The following PTPRD variants were observed in gnomAD, a reference collection of about 807,000 sequenced individuals.
PTPRD encodes the protein receptor-type tyrosine-protein phosphatase delta.
PTPRD carries 34 observed loss-of-function variants against 214.5 expected under a neutral mutation model. That is an observed-to-expected ratio of 0.16 (90% CI 0.12 to 0.21). The LOEUF is 0.21. Ranked by LOEUF, PTPRD falls within the 10% of genes least tolerant of loss-of-function variation. PTPRD has a pLI of 1.00. For synonymous variants in PTPRD, 1,128 were observed against 845.7 expected, an observed-to-expected ratio of 1.33 and a Z score of -5.79; for missense variants, 2,545 against 2,398.7, an observed-to-expected ratio of 1.06 and a Z score of -1.27.
Position 9,932,040 on chromosome 9 carries a change from C to G in PTPRD, c.-368+6467G>C, listed in dbSNP as rs2086856737. On this transcript the variant is annotated intron_variant, in intron 5 of 45. Coordinates refer to ENST00000381196, the MANE Select transcript of PTPRD (RefSeq NM_002839.4). ...TCCTGTCTGTTAGAAGGAAAACTAA[C>G]AAACAGAAAGGACATCCACACCAAA... is the stretch of plus-strand genomic sequence containing the variant. Among the ~76,000 whole-genome samples the G allele has an allele frequency of 2.6e-5, 4 of 151,784 alleles. No individual in the cohort carries two copies. In the South Asian group the frequency reaches 8.3e-4, roughly 32 times the overall value.
intron 9 of PTPRD, among the ~76,000 whole-genome samples, chr9:9,192,590 G>T (rs1454071740): frequency 6.6e-6 from 1 of 152,002 alleles, no homozygotes. Context: ...GTCTCAGAGG[G>T]CTTTGATTAA....
intron 7 of PTPRD, among the ~76,000 whole-genome samples, chr9:9,587,614 C>G (rs893344140): frequency 1.3e-5 from 2 of 152,074 alleles, no homozygotes; most frequent in East Asian, 3.9e-4. Flanking sequence ...ATCATAAAGG[C>G]TGGGGGTCTC....
At chr9:9,944,515 ATTTT>A (rs1002490444) in intron 4 of PTPRD, among the ~76,000 whole-genome samples, 1 of 152,042 alleles carries the variant, frequency 6.6e-6, no homozygotes, top group African/African-American at 2.4e-5. Context: ...TAATAAAAAG[ATTTT>A]TTTAATATGG....
chr9:9,963,669 G>C (rs1818789237), intron 4 of PTPRD, among the ~76,000 whole-genome samples: 1 of 152,098 alleles, frequency 6.6e-6, no homozygotes, highest in African/African-American at 2.4e-5. Flanking sequence ...ATGTAACAGA[G>C]CCTTTCCTTT....
intron 33 of PTPRD, among the ~76,000 whole-genome samples, chr9:8,457,809 A>G (rs1468046909): frequency 6.6e-6 from 1 of 152,102 alleles, no homozygotes; most frequent in Non-Finnish European, 1.5e-5. Flanking sequence ...TAATAATAAT[A>G]CTTTCAATTC....
At chr9:10,454,228 C>T (rs900876808) in intron 2 of PTPRD, among the ~76,000 whole-genome samples, 1 of 151,510 alleles carries the variant, frequency 6.6e-6, no homozygotes, top group Non-Finnish European at 1.5e-5. Flanking sequence ...ATTACAAAGG[C>T]CACATATTTC....
At chr9:8,782,742 C>T (rs1020838184) in intron 11 of PTPRD, among the ~76,000 whole-genome samples, 9 of 151,854 alleles carry the variant, frequency 5.9e-5, no homozygotes, top group South Asian at 2.1e-4. Context: ...GGATTACAGG[C>T]GCACACCACC....
At chr9:10,437,653 T>C (rs1235360955) in intron 2 of PTPRD, among the ~76,000 whole-genome samples, 1 of 151,718 alleles carries the variant, frequency 6.6e-6, no homozygotes, top group African/African-American at 2.4e-5. Context: ...ATATCTGTTA[T>C]TGAGCAAACC....
intron 33 of PTPRD, 73 bp downstream of exon 33, chr9:8,460,338 A>G (rs914118008): frequency 6.4e-7 from 1 of 1,560,438 alleles, no homozygotes; most frequent in African/African-American, 1.4e-5. Context: ...ACCTAAGGAC[A>G]GCAGAACAAT....
intron 2 of PTPRD, among the ~76,000 whole-genome samples, chr9:10,458,906 T>G (rs1566183673): frequency 6.6e-6 from 1 of 152,190 alleles, no homozygotes; most frequent in African/African-American, 2.4e-5. Context: ...AAAAGGATTT[T>G]TTTTTATTAC....
chr9:8,462,131 T>A (rs2096428019), intron 32 of PTPRD, among the ~76,000 whole-genome samples: 1 of 152,074 alleles, frequency 6.6e-6, no homozygotes, highest in African/African-American at 2.4e-5. Flanking sequence ...TAGAGACCCC[T>A]ACATATATGT....
intron 7 of PTPRD, among the ~76,000 whole-genome samples, chr9:9,701,794 G>A (rs1338435636): frequency 6.6e-6 from 1 of 152,076 alleles, no homozygotes; most frequent in Non-Finnish European, 1.5e-5. Flanking sequence ...AAGAAATGAA[G>A]CTTTCTATAT....
intron 14 of PTPRD, among the ~76,000 whole-genome samples, chr9:8,567,407 T>C (rs1057485608): frequency 1.3e-5 from 2 of 152,176 alleles, no homozygotes; most frequent in Admixed American, 6.5e-5. Flanking sequence ...AAGGTGTTGT[T>C]AACGTGTCCT....
intron 3 of PTPRD, among the ~76,000 whole-genome samples, chr9:10,116,804 TCACTCTGTTTCTCAAA>T (rs2098734163): frequency 6.6e-6 from 1 of 152,042 alleles, no homozygotes; most frequent in Non-Finnish European, 1.5e-5. Flanking sequence ...CCCAGACACA[TCACTCTGTTTCTCAAA>T]CATATTAAGC....
intron 9 of PTPRD, among the ~76,000 whole-genome samples, chr9:9,227,018 T>A (rs2099959912): frequency 6.6e-6 from 1 of 152,130 alleles, no homozygotes; most frequent in South Asian, 2.1e-4. Context: ...TATATGGCTT[T>A]TTTTCTAAAG....
At chr9:8,387,964 T>C (rs897650819) in intron 37 of PTPRD, among the ~76,000 whole-genome samples, 9 of 152,214 alleles carry the variant, frequency 5.9e-5, no homozygotes, top group African/African-American at 2.2e-4. Context: ...TGGGTTTGCA[T>C]GTAAAGTATG....
chr9:8,698,613 C>G (rs955492627), intron 12 of PTPRD, among the ~76,000 whole-genome samples: 1 of 152,190 alleles, frequency 6.6e-6, no homozygotes, highest in Admixed American at 6.5e-5. Flanking sequence ...TATCTTTAAA[C>G]TCAGGAAGGC....
At chr9:9,740,599 G>A (rs939856798) in intron 6 of PTPRD, among the ~76,000 whole-genome samples, 1 of 152,104 alleles carries the variant, frequency 6.6e-6, no homozygotes, top group Non-Finnish European at 1.5e-5. Flanking sequence ...CTGCCCTCGT[G>A]ATCTGTCTGC....
chr9:10,197,351 C>T (rs1001239168), intron 3 of PTPRD, among the ~76,000 whole-genome samples: 15 of 152,082 alleles, frequency 9.9e-5, no homozygotes, highest in Non-Finnish European at 1.6e-4. Context: ...CCATGTATAC[C>T]GAGGATGTGA....
Sources: gnomAD v4.1 joint callset for allele counts (sites outside exome capture counted in the v4.1 genomes callset) on GRCh38, gnomAD v4.1.1 for gene constraint, MANE v1.5 for transcripts, NCBI Gene and HGNC (gene_info 2026-07-23, HGNC 2026-07-21) for gene names.